Variants in SYCP2L observed in about 807,000 individuals in gnomAD.
The protein encoded by SYCP2L is synaptonemal complex protein 2 like, also known as synaptonemal complex protein 2-like.
A neutral mutation model predicts 125.8 loss-of-function variants in SYCP2L; 98 were observed. The ratio of observed to expected loss-of-function variants is 0.78; its 90% confidence interval spans 0.66 to 0.92. The LOEUF is 0.92. Among genes scored for constraint, SYCP2L ranks in the 40% least tolerant of loss-of-function variants. The pLI is 0.00. For synonymous variants in SYCP2L, 317 were observed against 325.4 expected (o/e 0.97, Z 0.28); for missense variants, 842 against 936.4 (o/e 0.90, Z 1.32).
In SYCP2L at chr6:10,921,487, G is replaced by A. The variant is rs182423011; in HGVS notation, c.1073-3009G>A. 1.6e-3 allele frequency among the ~76,000 whole-genome samples: 244 copies of A among 152,042 alleles called. 2 individuals carry two copies. Among genetic ancestry groups the A allele is most frequent in the Middle Eastern group, 0.014 (4 of 294 alleles). ...TTCCACAATGGTTGAACTAATTTACGCTCCCACCAACAGTGTAAAGTCTTC... is the reference window on the plus strand; with the variant it reads ...TTCCACAATGGTTGAACTAATTTACACTCCCACCAACAGTGTAAAGTCTTC... On this transcript the variant is annotated intron_variant, in intron 14 of 29. Coordinates refer to ENST00000283141, the MANE Select transcript of SYCP2L (RefSeq NM_001040274.3).
chr6:10,958,378 G>A (rs1382945579), intron 25 of SYCP2L, among the ~76,000 whole-genome samples: 3 of 152,052 alleles, frequency 2.0e-5, no homozygotes, highest in Non-Finnish European at 2.9e-5. Context: ...AGCAAGGGGC[G>A]GGGAGGTGCC....
intron 16 of SYCP2L, among the ~76,000 whole-genome samples, chr6:10,926,684 G>A (rs543808221): frequency 1.1e-3 from 162 of 152,102 alleles, no homozygotes; most frequent in African/African-American, 3.7e-3. Flanking sequence ...GGTAAGGAAG[G>A]TCTTGTCTAC....
At chr6:10,922,655 G>A (rs1049539276) in intron 14 of SYCP2L, 10 of 151,954 alleles carry the variant, frequency 6.6e-5, no homozygotes, top group African/African-American at 1.2e-4. Flanking sequence ...TACTTTTTAA[G>A]ATATTTAAGA....
At chr6:10,893,010 CTT>C (rs779452786) in intron 2 of SYCP2L, among the ~76,000 whole-genome samples, 25 of 143,226 alleles carry the variant, frequency 1.7e-4, no homozygotes, top group South Asian at 2.2e-4. Context: ...AGTATATATA[CTT>C]TTTTTTTTTT....
chr6:10,930,135 A>G, intron 18 of SYCP2L: 2 of 339,826 alleles, frequency 5.9e-6, no homozygotes, highest in East Asian at 5.4e-5. Context: ...TTCTGTTGCA[A>G]ACGTTTTATT....
intron 20 of SYCP2L, among the ~76,000 whole-genome samples, chr6:10,933,301 C>G (rs1214128005): frequency 6.6e-6 from 1 of 152,180 alleles, no homozygotes; most frequent in Non-Finnish European, 1.5e-5. Flanking sequence ...CCTTTGTAGC[C>G]AGAAAACAGC....
chr6:10,972,257 A>ACAACATTG (rs1781787119), intron 29 of SYCP2L, among the ~76,000 whole-genome samples: 1 of 152,232 alleles, frequency 6.6e-6, no homozygotes, highest in Admixed American at 6.5e-5. Context: ...AATAGCAATA[A>ACAACATTG]CAACAAATCT....
chr6:10,910,715 G>T, intron 11 of SYCP2L, 109 bp from the exon 12 acceptor site: 1 of 1,160,614 alleles, frequency 8.6e-7, no homozygotes, highest in Non-Finnish European at 1.3e-6. Flanking sequence ...TACTCTGTAC[G>T]AGGAGACTTA....
chr6:10,887,607 C>T (rs1038752799), intron 1 of SYCP2L, among the ~76,000 whole-genome samples: 1 of 152,054 alleles, frequency 6.6e-6, no homozygotes, highest in African/African-American at 2.4e-5. Flanking sequence ...AGTTTGAGCC[C>T]ACCCAGGGAC....
chr6:10,950,251 G>C (rs1274130168), intron 23 of SYCP2L, among the ~76,000 whole-genome samples: 1 of 152,002 alleles, frequency 6.6e-6, no homozygotes, highest in Non-Finnish European at 1.5e-5. Context: ...GAATTTATTG[G>C]GGCTTATATT....
At chr6:10,918,725 C>CG (rs1554105819) in intron 14 of SYCP2L, among the ~76,000 whole-genome samples, 6 of 151,804 alleles carry the variant, frequency 4.0e-5, no homozygotes, top group South Asian at 2.1e-4. Context: ...TTAGTAGAGA[C>CG]GGGTTTCACC....
At chr6:10,924,729 T>A in intron 15 of SYCP2L, 88 bp downstream of exon 15, 1 of 1,217,116 alleles carries the variant, frequency 8.2e-7, no homozygotes, top group South Asian at 2.5e-5. Flanking sequence ...TTGATGTGAA[T>A]ATTTGATAAA....
In SYCP2L at chr6:10,887,523, G is replaced by T. The variant is rs188165259; in HGVS notation, c.9+388G>T. On this transcript the variant is annotated intron_variant, in intron 1 of 29. Transcript: ENST00000283141. ...CCAAGTGCTGGGACTTCATTTAACCGAACGACAAAGGACAGCCCCTAAGAT... is the reference window on the plus strand; with the variant it reads ...CCAAGTGCTGGGACTTCATTTAACCTAACGACAAAGGACAGCCCCTAAGAT... Among the ~76,000 whole-genome samples the T allele has an allele frequency of 2.3e-3, 357 of 152,144 alleles. 1 individual carries two copies. Among genetic ancestry groups the T allele is most frequent in the African/African-American group, 7.9e-3 (329 of 41,466 alleles).
chr6:10,895,708 G>C (rs537893505), intron 4 of SYCP2L, among the ~76,000 whole-genome samples: 3 of 151,976 alleles, frequency 2.0e-5, no homozygotes, highest in Non-Finnish European at 2.9e-5. Context: ...TCCACATCTC[G>C]AACTCCCAAC....
At chr6:10,969,869 C>T (rs575736830) in intron 29 of SYCP2L, among the ~76,000 whole-genome samples, 90 of 152,094 alleles carry the variant, frequency 5.9e-4, no homozygotes, top group Middle Eastern at 3.4e-3. Flanking sequence ...AGTGAAAAGT[C>T]GCAAAGTAGC....
At chr6:10,922,403 A>G (rs1780813771) in intron 14 of SYCP2L, among the ~76,000 whole-genome samples, 1 of 151,236 alleles carries the variant, frequency 6.6e-6, no homozygotes, top group Admixed American at 6.6e-5. Flanking sequence ...TGTAGCCCTC[A>G]TGGTATTTCT....
At chr6:10,901,935 T>C (rs1380109888) in intron 6 of SYCP2L, among the ~76,000 whole-genome samples, 1 of 152,232 alleles carries the variant, frequency 6.6e-6, no homozygotes, top group African/African-American at 2.4e-5. Flanking sequence ...GGTTTCCTTG[T>C]TGGTTGCAAC....
At chr6:10,903,314 C>CT (rs1780417350) in intron 8 of SYCP2L, among the ~76,000 whole-genome samples, 1 of 152,094 alleles carries the variant, frequency 6.6e-6, no homozygotes, top group Non-Finnish European at 1.5e-5. Flanking sequence ...TTTGGGAGGC[C>CT]AAGGCGGGTG....
At chr6:10,889,608 A>G in intron 1 of SYCP2L, among the ~76,000 whole-genome samples, 1 of 143,490 alleles carries the variant, frequency 7.0e-6, no homozygotes, top group Admixed American at 6.9e-5. Context: ...TACTTCTATG[A>G]GATCAGCCTT....
Sources: gnomAD v4.1 joint callset for allele counts (sites outside exome capture counted in the v4.1 genomes callset) on GRCh38, gnomAD v4.1.1 for gene constraint, MANE v1.5 for transcripts, NCBI Gene and HGNC (gene_info 2026-07-23, HGNC 2026-07-21) for gene names.